The following ANXA10 variants were observed in gnomAD, a reference collection of about 807,000 sequenced individuals.
ANXA10 encodes annexin 14.
Under a neutral mutation model 53.5 loss-of-function variants are expected in ANXA10, and 49 were observed. The observed-to-expected ratio is 0.92, with a 90% CI of 0.73 to 1.16. ANXA10 has a LOEUF of 1.16. Among genes scored for constraint, ANXA10 ranks in the 50% most tolerant of loss-of-function variants. ANXA10 has a pLI of 0.00. For missense variants in ANXA10, 393 were observed against 394.4 expected, an observed-to-expected ratio of 1.00 and a Z score of 0.03; for synonymous variants, 131 against 128.9, an observed-to-expected ratio of 1.02 and a Z score of -0.11.
chr4:168,136,245 C>A lies in ANXA10; in HGVS notation c.101-3241C>A, dbSNP rs116355761. 4.7e-3 allele frequency among the ~76,000 whole-genome samples: 715 copies of A among 152,272 alleles called. 1 individual carries two copies. Among genetic ancestry groups the A allele is most frequent in the Non-Finnish European group, 6.8e-3 (466 of 68,032 alleles). The stretch of plus-strand genomic sequence containing the variant: ...CCATATGATTCTGCCCCTGTCCCCC[C>A]ACAAATCTCATGTTCTTCTCACATT... On this transcript the variant is annotated intron_variant, in intron 2 of 11. Coordinates refer to ENST00000359299, the MANE Select transcript of ANXA10 (RefSeq NM_007193.5).
At chr4:168,175,074 A>G (rs1221297975) in intron 6 of ANXA10, among the ~76,000 whole-genome samples, 1 of 152,220 alleles carries the variant, frequency 6.6e-6, no homozygotes, top group Non-Finnish European at 1.5e-5. Flanking sequence ...AAAGATGATC[A>G]AAGACTGACT....
chr4:168,108,228 T>G (rs1198983797), intron 1 of ANXA10, among the ~76,000 whole-genome samples: 2 of 152,072 alleles, frequency 1.3e-5, no homozygotes, highest in African/African-American at 4.8e-5. Context: ...TGCAACCCCT[T>G]GTATTAGCAA....
At chr4:168,098,366 G>T (rs146724438) in intron 1 of ANXA10, among the ~76,000 whole-genome samples, 1 of 152,098 alleles carries the variant, frequency 6.6e-6, no homozygotes, top group African/African-American at 2.4e-5. Context: ...CAGAAAGAAA[G>T]GAGTCATTTA....
Position 168,186,340 on chromosome 4 carries a change from A to G in ANXA10, c.907-1026A>G, listed in dbSNP as rs534349970. On this transcript the variant is annotated intron_variant, in intron 11 of 11. Coordinates refer to ENST00000359299, the MANE Select transcript of ANXA10 (RefSeq NM_007193.5). ...CCTAATTTTCTACAGAAAATCATTA[A>G]TAAACTTTTATTCTGCTATGGTGTG... is the stretch of plus-strand genomic sequence containing the variant. Among the ~76,000 whole-genome samples the G allele has an allele frequency of 2.6e-5, 4 of 152,328 alleles. No homozygotes were observed. The South Asian group carries it at 6.2e-4, about 24-fold the overall frequency.
chr4:168,162,176 A>T (rs889637416), intron 3 of ANXA10, among the ~76,000 whole-genome samples: 3 of 152,232 alleles, frequency 2.0e-5, no homozygotes, highest in Admixed American at 6.5e-5. Context: ...TGTTTCAGTA[A>T]TTCCACAAGA....
intron 1 of ANXA10, among the ~76,000 whole-genome samples, chr4:168,097,829 G>A (rs1404803638): frequency 1.3e-5 from 2 of 152,066 alleles, no homozygotes; most frequent in Non-Finnish European, 2.9e-5. Flanking sequence ...TAATGGAATA[G>A]GAGGTAAAAG....
intron 6 of ANXA10, among the ~76,000 whole-genome samples, chr4:168,172,613 A>C (rs1732035075): frequency 6.6e-6 from 1 of 152,196 alleles, no homozygotes; most frequent in African/African-American, 2.4e-5. Context: ...GAAGAGATAA[A>C]GATCCCAGCC....
At chr4:168,164,696 A>C (rs1450787751) in intron 5 of ANXA10, among the ~76,000 whole-genome samples, 1 of 152,200 alleles carries the variant, frequency 6.6e-6, no homozygotes, top group African/African-American at 2.4e-5. Context: ...ACATTCCCGT[A>C]ATCTACTACA....
intron 3 of ANXA10, among the ~76,000 whole-genome samples, chr4:168,153,844 G>A (rs1936307489): frequency 6.6e-6 from 1 of 152,116 alleles, no homozygotes; most frequent in Non-Finnish European, 1.5e-5. Context: ...TGCACTGTGA[G>A]GATTCAAGCC....
chr4:168,176,368 T>A (rs779009383), intron 6 of ANXA10, among the ~76,000 whole-genome samples: 2 of 152,170 alleles, frequency 1.3e-5, no homozygotes, highest in African/African-American at 2.4e-5. Context: ...AAACCTTTCA[T>A]GATGATTTAG....
At chr4:168,173,589 T>C (rs1354711694) in intron 6 of ANXA10, among the ~76,000 whole-genome samples, 4 of 152,220 alleles carry the variant, frequency 2.6e-5, no homozygotes, top group African/African-American at 9.6e-5. Context: ...TAGGAGAGCA[T>C]TGGCAGTGGT....
intron 10 of ANXA10, among the ~76,000 whole-genome samples, chr4:168,182,083 G>A (rs919149401): frequency 2.0e-5 from 3 of 152,124 alleles, no homozygotes; most frequent in Admixed American, 6.6e-5. Flanking sequence ...CAAAACATAT[G>A]GCATTAAGCA....
intron 1 of ANXA10, among the ~76,000 whole-genome samples, chr4:168,122,116 TGGCGTGAG>T (rs1162337230): frequency 6.6e-6 from 1 of 152,154 alleles, no homozygotes; most frequent in Non-Finnish European, 1.5e-5. Context: ...CTGGGATTAC[TGGCGTGAG>T]CCACCGCCCC....
intron 1 of ANXA10, among the ~76,000 whole-genome samples, chr4:168,106,109 CT>C (rs1334706955): frequency 2.6e-5 from 4 of 152,004 alleles, no homozygotes; most frequent in African/African-American, 9.6e-5. Flanking sequence ...TTGACAGCTT[CT>C]TTTGTTGTAA....
At chr4:168,116,264 A>G (rs1730892543) in intron 1 of ANXA10, among the ~76,000 whole-genome samples, 1 of 152,226 alleles carries the variant, frequency 6.6e-6, no homozygotes, top group South Asian at 2.1e-4. Flanking sequence ...TACTTTTTGA[A>G]TCTAAGAAAT....
chr4:168,154,729 C>G (rs1371740453), intron 3 of ANXA10, among the ~76,000 whole-genome samples: 2 of 152,050 alleles, frequency 1.3e-5, no homozygotes, highest in Non-Finnish European at 2.9e-5. Flanking sequence ...TCACTTTGGT[C>G]GCATATAATT....
intron 3 of ANXA10, among the ~76,000 whole-genome samples, chr4:168,151,149 G>A (rs1467021847): frequency 6.6e-6 from 1 of 152,106 alleles, no homozygotes. Flanking sequence ...TATTTACATA[G>A]TGACCACTGG....
intron 1 of ANXA10, among the ~76,000 whole-genome samples, chr4:168,109,548 G>A (rs1233384781): frequency 6.6e-6 from 1 of 152,030 alleles, no homozygotes; most frequent in East Asian, 1.9e-4. Flanking sequence ...AAATCACCAA[G>A]TTAGTATTAT....
intron 8 of ANXA10, chr4:168,178,192 A>G: frequency 1.9e-6 from 1 of 529,302 alleles, no homozygotes; most frequent in Non-Finnish European, 3.3e-6. Flanking sequence ...TTTTCCAATA[A>G]CTTTCAAAAA....
Sources: allele counts gnomAD v4.1 joint callset (sites outside exome capture counted in the v4.1 genomes callset), GRCh38; gene constraint gnomAD v4.1.1; transcripts MANE v1.5; gene names NCBI Gene and HGNC (gene_info 2026-07-23, HGNC 2026-07-21).